Variants in DTNB observed in about 807,000 individuals in gnomAD.
The protein encoded by DTNB is dystrobrevin beta.
In DTNB, 63 loss-of-function variants were observed where a neutral mutation model predicts 90.7. That is an observed-to-expected ratio of 0.69 (90% CI 0.57 to 0.86). The LOEUF is 0.86. Among genes scored for constraint, DTNB ranks in the 40% least tolerant of loss-of-function variants. The pLI is 0.00. For synonymous variants in DTNB, 277 were observed against 286.7 expected, an observed-to-expected ratio of 0.97 and a Z score of 0.34; for missense variants, 744 against 807.1, an observed-to-expected ratio of 0.92 and a Z score of 0.95.
chr2:25,404,666 C>T (rs1015952716), intron 16 of DTNB, among the ~76,000 whole-genome samples: 3 of 152,088 alleles, frequency 2.0e-5, no homozygotes, highest in Non-Finnish European at 2.9e-5. Flanking sequence ...ACCAGCCTGG[C>T]CAACATGGTG....
intron 9 of DTNB, among the ~76,000 whole-genome samples, chr2:25,491,525 A>T (rs1038547305): frequency 6.6e-6 from 1 of 152,156 alleles, no homozygotes; most frequent in Admixed American, 6.5e-5. Flanking sequence ...AGTGGGTAAG[A>T]AGTAATCTAT....
At chr2:25,635,089 AAAAG>A (rs2076860090) in intron 3 of DTNB, among the ~76,000 whole-genome samples, 1 of 151,476 alleles carries the variant, frequency 6.6e-6, no homozygotes, top group African/African-American at 2.4e-5. Context: ...GAAAAAAAAA[AAAAG>A]AAATTTTAAA....
At chr2:25,622,498 T>C (rs1374684504) in intron 4 of DTNB, among the ~76,000 whole-genome samples, 3 of 152,142 alleles carry the variant, frequency 2.0e-5, no homozygotes, top group Admixed American at 6.5e-5. Context: ...ATTTCCATCT[T>C]TGTACCTTGA....
chr2:25,537,796 T>C (rs1269424546), intron 8 of DTNB, among the ~76,000 whole-genome samples: 1 of 152,142 alleles, frequency 6.6e-6, no homozygotes, highest in Non-Finnish European at 1.5e-5. Flanking sequence ...TGAGAGTGGA[T>C]GACTAAAAAT....
intron 8 of DTNB, among the ~76,000 whole-genome samples, chr2:25,564,216 A>G (rs919900996): frequency 9.2e-5 from 14 of 152,096 alleles, no homozygotes; most frequent in African/African-American, 3.4e-4. Flanking sequence ...TTGTATTTCT[A>G]TATGAATTTT....
chr2:25,606,910 A>C lies in DTNB; in HGVS notation c.448+326T>G, dbSNP rs113188129. On this transcript the variant is annotated intron_variant, in intron 5 of 20. Transcript: ENST00000406818. The stretch of plus-strand genomic sequence containing the variant: ...AGTAAAAGCAATCAAATTTACTTTA[A>C]CTAAAAGTTCTCAATATAATCATTT... Among the ~76,000 whole-genome samples the C allele has an allele frequency of 3.1e-3, 472 of 152,366 alleles. 2 individuals carry two copies. Among genetic ancestry groups the C allele is most frequent in the African/African-American group, 0.011 (447 of 41,578 alleles).
chr2:25,486,457 C>A (rs2066169611), intron 9 of DTNB, among the ~76,000 whole-genome samples: 1 of 151,882 alleles, frequency 6.6e-6, no homozygotes, highest in African/African-American at 2.4e-5. Flanking sequence ...CAAGTGAGAT[C>A]CTGTCTCAAA....
intron 10 of DTNB, among the ~76,000 whole-genome samples, chr2:25,455,715 G>A (rs1204194863): frequency 6.6e-6 from 1 of 152,214 alleles, no homozygotes; most frequent in Non-Finnish European, 1.5e-5. Context: ...CTTCAGGAGT[G>A]GCGCTGGCCC....
At chr2:25,478,534 T>C (rs2064209731) in intron 10 of DTNB, among the ~76,000 whole-genome samples, 1 of 152,072 alleles carries the variant, frequency 6.6e-6, no homozygotes, top group Non-Finnish European at 1.5e-5. Context: ...TCTTCTTCTT[T>C]TTTTTTTAGA....
chr2:25,658,983 G>C (rs965233985), intron 1 of DTNB, among the ~76,000 whole-genome samples: 1 of 151,498 alleles, frequency 6.6e-6, no homozygotes, highest in African/African-American at 2.4e-5. Context: ...GGCTGGTCTC[G>C]AACTCCTGGG....
intron 15 of DTNB, among the ~76,000 whole-genome samples, chr2:25,421,422 C>G (rs547945909): frequency 6.6e-6 from 1 of 152,360 alleles, no homozygotes; most frequent in South Asian, 2.1e-4. Context: ...TGAACACTGG[C>G]TCTGGCAGCG....
intron 16 of DTNB, among the ~76,000 whole-genome samples, chr2:25,405,882 C>T (rs1470559881): frequency 2.0e-5 from 3 of 151,946 alleles, no homozygotes; most frequent in Non-Finnish European, 2.9e-5. Flanking sequence ...GACTGAGAAA[C>T]GAGAGACAGG....
chr2:25,584,123 C>T (rs1290639541), intron 6 of DTNB, among the ~76,000 whole-genome samples: 1 of 152,218 alleles, frequency 6.6e-6, no homozygotes, highest in Non-Finnish European at 1.5e-5. Flanking sequence ...GGTATTTAAA[C>T]ATTTTCATGG....
intron 9 of DTNB, among the ~76,000 whole-genome samples, chr2:25,526,017 T>A (rs1009160960): frequency 4.6e-5 from 7 of 151,840 alleles, no homozygotes; most frequent in Non-Finnish European, 7.4e-5. Context: ...AAACCAGAGG[T>A]TACTCTCAAG....
intron 10 of DTNB, among the ~76,000 whole-genome samples, chr2:25,459,133 C>T (rs1424205958): frequency 2.0e-5 from 3 of 151,848 alleles, no homozygotes; most frequent in Non-Finnish European, 4.4e-5. Context: ...TTTGTTTATC[C>T]TGGCATACAG....
intron 1 of DTNB, among the ~76,000 whole-genome samples, chr2:25,655,741 A>G (rs981231384): frequency 6.6e-6 from 1 of 152,194 alleles, no homozygotes; most frequent in African/African-American, 2.4e-5. Flanking sequence ...GAGTCTGTAT[A>G]TCCCCTATCC....
At chr2:25,625,168 C>T (rs928635554) in intron 4 of DTNB, among the ~76,000 whole-genome samples, 24 of 152,066 alleles carry the variant, frequency 1.6e-4, no homozygotes, top group African/African-American at 5.8e-4. Context: ...CAAACTTTAA[C>T]CTTATGGAAT....
intron 10 of DTNB, among the ~76,000 whole-genome samples, chr2:25,464,093 G>C (rs932101438): frequency 2.6e-5 from 4 of 152,176 alleles, no homozygotes; most frequent in African/African-American, 9.7e-5. Context: ...ATTTTTAGTA[G>C]AGTTGGGGTT....
At chr2:25,635,070 AT>A (rs2076843863) in intron 3 of DTNB, among the ~76,000 whole-genome samples, 3 of 150,118 alleles carry the variant, frequency 2.0e-5, no homozygotes, top group Non-Finnish European at 4.4e-5. Flanking sequence ...AAATAAAAAA[AT>A]AAAAAAAGAA....
Sources: allele counts gnomAD v4.1 joint callset (sites outside exome capture counted in the v4.1 genomes callset), GRCh38; gene constraint gnomAD v4.1.1; transcripts MANE v1.5; gene names NCBI Gene and HGNC (gene_info 2026-07-23, HGNC 2026-07-21).